The following TDP2 variants were observed in gnomAD, a reference collection of about 807,000 sequenced individuals.
TDP2 encodes 5'-Tyr-DNA phosphodiesterase.
Under a neutral mutation model 42.8 loss-of-function variants are expected in TDP2, and 38 were observed. That is an observed-to-expected ratio of 0.89 (90% CI 0.68 to 1.16). TDP2 has a LOEUF of 1.16. Ranked by LOEUF, TDP2 falls within the 50% of genes most tolerant of loss-of-function variation. The probability of loss-of-function intolerance (pLI) is 0.00; values close to 1 mark genes in which losing one functional copy is unlikely to be tolerated. For synonymous variants in TDP2, 173 were observed against 150.6 expected, an observed-to-expected ratio of 1.15 and a Z score of -1.09; for missense variants, 439 against 439.3, an observed-to-expected ratio of 1.00 and a Z score of 0.01.
At chr6:24,661,274 C>G (rs1296466286) in intron 2 of TDP2, among the ~76,000 whole-genome samples, 1 of 152,168 alleles carries the variant, frequency 6.6e-6, no homozygotes, top group East Asian at 1.9e-4. Flanking sequence ...TCCCTTCTCT[C>G]TTGGACAATG....
At chr6:24,662,840 A>G (rs1582425286) in intron 2 of TDP2, among the ~76,000 whole-genome samples, 3 of 152,354 alleles carry the variant, frequency 2.0e-5, no homozygotes, top group African/African-American at 7.2e-5. Flanking sequence ...CTGATCAAAG[A>G]TGTTATTTCC....
At chr6:24,652,813 T>TC in intron 6 of TDP2, 170 bp downstream of exon 6, 1 of 658,450 alleles carries the variant, frequency 1.5e-6, no homozygotes, top group Non-Finnish European at 2.6e-6. Flanking sequence ...AGCCCCTTCT[T>TC]CCCCTAGGCA....
At chr6:24,658,529 C>T in intron 3 of TDP2, 32 bp downstream of exon 3, 3 of 1,562,786 alleles carry the variant, frequency 1.9e-6, no homozygotes, top group Non-Finnish European at 8.7e-7. Flanking sequence ...ACATAAGACA[C>T]ATTACTATTA....
chr6:24,658,467 G>C (rs1228889556), intron 3 of TDP2, 94 bp downstream of exon 3: 1 of 979,858 alleles, frequency 1.0e-6, no homozygotes, highest in Non-Finnish European at 1.5e-6. Flanking sequence ...GCTGGACATT[G>C]AACTTAGGTT....
At chr6:24,655,939 A>T (rs1007924856) in intron 4 of TDP2, among the ~76,000 whole-genome samples, 15 of 152,254 alleles carry the variant, frequency 9.9e-5, no homozygotes, top group Admixed American at 7.8e-4. Flanking sequence ...TAAACTACTT[A>T]GCCTTGCTCA....
rs761991069 is a variant in TDP2, at chr6:24,657,848, G to C, written c.481C>G (p.Leu161Val). Residue 161 changes from leucine to valine, a missense_variant, in exon 4 of 7, where the codon CTA (leucine) becomes GTA (valine). By Grantham distance (32) the Leu-to-Val change is conservative. Transcript: ENST00000378198. ...QEVIPPYYSY[L>V]KKRSSNYEII... ...TCATAATTACTTGATCTCTTCTTTA[G>C]GTAGCTATAATATGGGGGAATAACT... 1.6e-5 allele frequency: 25 copies of C among 1,583,368 alleles called. No homozygotes were observed. Among genetic ancestry groups the C allele is most frequent in the Non-Finnish European group, 2.1e-5 (25 of 1,164,722 alleles).
chr6:24,666,053 C>T (rs912715840), intron 2 of TDP2: 2 of 1,507,860 alleles, frequency 1.3e-6, no homozygotes, highest in African/African-American at 2.8e-5. Flanking sequence ...AGTGCAGGAA[C>T]TGGAGAGGGG....
rs775433216 is a variant in TDP2 at position 24,666,573 on chromosome 6, C to T, written c.204G>A (p.Glu68=). The change falls in exon 2 of 7, where the codon GAG becomes GAA. Residue 68 remains glutamate (E), a synonymous_variant. Transcript: ENST00000378198. The part of the protein sequence containing the change: ...LNSYFEPPVE[E]SALERRPETI... ...TTTCAGGTCGGCGTTCCAAGGCGCT[C>T]TCCTCCACCGGAGGCTCGAAGTAGG... 6.2e-7 allele frequency: 1 copy of T among 1,614,230 alleles called. No homozygotes were observed. Among genetic ancestry groups the T allele is most frequent in the Non-Finnish European group, 8.5e-7 (1 of 1,180,012 alleles).
intron 4 of TDP2, among the ~76,000 whole-genome samples, chr6:24,656,287 G>C (rs1490285384): frequency 2.0e-5 from 3 of 151,986 alleles, no homozygotes; most frequent in Non-Finnish European, 4.4e-5. Flanking sequence ...AATAGAGATA[G>C]GAGAATAAGA....
At position 24,657,148 on chromosome 6, in the gene TDP2, C is replaced by T. The variant is rs1778072250; in HGVS notation, c.517+664G>A. On this transcript the variant is annotated intron_variant, in intron 4 of 6. Transcript: ENST00000378198. ...ATTTTTTCAGTAAATACGGTTGGTCCTCTGTATCTGCATCCACAACCAAAT... is the reference window on the plus strand; with the variant it reads ...ATTTTTTCAGTAAATACGGTTGGTCTTCTGTATCTGCATCCACAACCAAAT... Among the ~76,000 whole-genome samples, 3 of 152,186 alleles carry T rather than the reference C, an allele frequency of 2.0e-5. No homozygotes were observed. In the South Asian group the frequency reaches 6.2e-4, roughly 32 times the overall value.
chr6:24,666,173 C>G (rs758131431), intron 2 of TDP2: 40 of 1,550,468 alleles, frequency 2.6e-5, no homozygotes, highest in Non-Finnish European at 3.3e-5. Flanking sequence ...ATACAGGAAG[C>G]AAGGAGACTT....
intron 6 of TDP2, 65 bp downstream of exon 6, chr6:24,652,918 G>T: frequency 6.4e-7 from 1 of 1,572,978 alleles, no homozygotes. Context: ...TTTGGTCAAA[G>T]GAACCTAAAT....
chr6:24,662,849 C>T (rs1406491953), intron 2 of TDP2, among the ~76,000 whole-genome samples: 2 of 152,200 alleles, frequency 1.3e-5, no homozygotes, highest in South Asian at 2.1e-4. Flanking sequence ...GATGTTATTT[C>T]CTTTTTATGA....
chr6:24,666,526 T>C lies in TDP2; in HGVS notation c.251A>G (p.Tyr84Cys), dbSNP rs757539692. ...RPETISEPKTYVDLTNEETTD... is the reference protein window; with the variant it reads ...RPETISEPKTCVDLTNEETTD... The stretch of plus-strand genomic sequence containing the variant: ...GGCTCCCGCTCCCCTCATCACTTAC[T>C]AGGTCTTGGGCTCAGAGATGGTTTC... Residue 84 changes from tyrosine (Y) to cysteine (C), a missense_variant and splice_region_variant, in exon 2 of 7, where the codon TAT becomes TGT. By Grantham distance (194) the Tyr-to-Cys change is radical. Transcript: ENST00000378198. 5 of 1,613,800 alleles carry C rather than the reference T, an allele frequency of 3.1e-6. No individual in the cohort carries two copies. Among genetic ancestry groups the C allele is most frequent in the Non-Finnish European group, 4.2e-6 (5 of 1,179,828 alleles).
chr6:24,650,854 T>C lies in TDP2; in HGVS notation c.1023A>G (p.Lys341=). 1 of 1,614,088 alleles carries C rather than the reference T, an allele frequency of 6.2e-7. No individual in the cohort carries two copies. The highest frequency in any genetic ancestry group is 8.5e-7 in the Non-Finnish European group (1 of 1,179,978). Residue 341 remains lysine (K), a synonymous_variant, in exon 7 of 7, where the codon AAA becomes AAG. Transcript: ENST00000378198. The stretch of plus-strand genomic sequence containing the variant: ...CACTAGGAAATCTACCACAGTCCAG[T>C]TTTTCTAATCCAAGAAGGTCCAAAC... ...PRSLDLLGLE[K]LDCGRFPSDH... is the part of the protein sequence containing the mutation.
chr6:24,657,396 A>C (rs1369609021), intron 4 of TDP2, among the ~76,000 whole-genome samples: 1 of 152,244 alleles, frequency 6.6e-6, no homozygotes, highest in Non-Finnish European at 1.5e-5. Context: ...TAGCAAAAAC[A>C]AATTAGATGG....
At chr6:24,659,126 C>A (rs572840333) in intron 2 of TDP2, 13 of 159,770 alleles carry the variant, frequency 8.1e-5, no homozygotes, top group African/African-American at 3.1e-4. Flanking sequence ...CGACAGGAAC[C>A]GAATCAGCAT....
chr6:24,658,283 G>A (rs3212228), intron 3 of TDP2, among the ~76,000 whole-genome samples: 19,329 of 152,126 alleles, frequency 0.13, 2,250 homozygotes, highest in East Asian at 0.45. Context: ...GCCAGCATGG[G>A]GCACAAATAG....
In TDP2 at chr6:24,652,002, T is replaced by G. The variant is rs540945448; in HGVS notation, c.808-933A>C. Reference sequence around the variant, plus strand: ...TTAATCTTCCCCAACTGAAACTCTGTACCCATTAAACACCAATTCACCATT... The same window carrying G: ...TTAATCTTCCCCAACTGAAACTCTGGACCCATTAAACACCAATTCACCATT... On this transcript the variant is annotated intron_variant, in intron 6 of 6. Coordinates refer to ENST00000378198, the MANE Select transcript of TDP2 (RefSeq NM_016614.3). Among the ~76,000 whole-genome samples the G allele has an allele frequency of 5.9e-5, 9 of 152,320 alleles. No individual in the cohort carries two copies. The South Asian group carries it at 1.7e-3, about 28-fold the overall frequency.
Sources: allele counts gnomAD v4.1 joint callset (sites outside exome capture counted in the v4.1 genomes callset), GRCh38; gene constraint gnomAD v4.1.1; transcripts MANE v1.5; gene names NCBI Gene and HGNC (gene_info 2026-07-23, HGNC 2026-07-21).